The following PACS1 variants were observed in gnomAD, a reference collection of about 807,000 sequenced individuals.
PACS1 encodes the protein PACS-1.
PACS1 carries 24 observed loss-of-function variants against 115.0 expected under a neutral mutation model. That is an observed-to-expected ratio of 0.21 (90% CI 0.15 to 0.29). The LOEUF is 0.29. Ranked by LOEUF, PACS1 falls within the 10% of genes least tolerant of loss-of-function variation. The pLI, the probability that PACS1 is intolerant of heterozygous loss-of-function variation, is 1.00. For synonymous variants in PACS1, 453 were observed against 504.5 expected (o/e 0.90, Z 1.37); for missense variants, 838 against 1,251.2 (o/e 0.67, Z 4.98).
chr11:66,214,574 T>C (rs1855153989), intron 4 of PACS1, among the ~76,000 whole-genome samples: 1 of 139,414 alleles, frequency 7.2e-6, no homozygotes, highest in African/African-American at 2.6e-5. Context: ...CCTTCCTTCC[T>C]TCTCTCTCTC....
Position 66,097,996 on chromosome 11 carries a change from G to A in PACS1, c.356+27154G>A, listed in dbSNP as rs146070770. On this transcript the variant is annotated intron_variant, in intron 1 of 23. Transcript: ENST00000320580. ...AGTTTGAGACCACCCTGGCAACATGGTGAAACCTCGTCTCTACTAAGATAC... is the reference window on the plus strand; with the variant it reads ...AGTTTGAGACCACCCTGGCAACATGATGAAACCTCGTCTCTACTAAGATAC... Among the ~76,000 whole-genome samples, 741 of 152,220 alleles carry A rather than the reference G, an allele frequency of 4.9e-3. 9 individuals are homozygous for A. Among genetic ancestry groups the A allele is most frequent in the African/African-American group, 0.015 (612 of 41,538 alleles).
intron 1 of PACS1, among the ~76,000 whole-genome samples, chr11:66,072,519 C>T (rs1857326462): frequency 6.6e-6 from 1 of 152,050 alleles, no homozygotes; most frequent in Admixed American, 6.5e-5. Flanking sequence ...CAGATTTACA[C>T]ATTGTTTTTT....
rs1193029522 is a variant in PACS1 at position 66,070,704 on chromosome 11, C to T, written c.218C>T (p.Ser73Phe). 5 of 1,580,236 alleles carry T rather than the reference C, an allele frequency of 3.2e-6. No individual in the cohort carries two copies. The highest frequency in any genetic ancestry group is 3.4e-5 in the Admixed American group (2 of 58,342). The stretch of plus-strand genomic sequence containing the variant: ...GCCTCCTCCTCGTCCTCGTCTACCT[C>T]CACCTCCATGGCCGTGGCGGTGGCC... ...AAASSSSSST[S>F]TSMAVAVASG... Residue 73 changes from serine to phenylalanine, a missense_variant, in exon 1 of 24, where the codon TCC becomes TTC. Coordinates refer to ENST00000320580, the MANE Select transcript of PACS1 (RefSeq NM_018026.4). This position sits in a 1 kb window ranked among gnomAD's most constrained non-coding sequence, Gnocchi z 5.9.
chr11:66,109,922 A>G (rs899158911), intron 1 of PACS1, among the ~76,000 whole-genome samples: 2 of 152,172 alleles, frequency 1.3e-5, no homozygotes, highest in Admixed American at 6.6e-5. Flanking sequence ...ACAGTTACTG[A>G]TGCAGTATTT....
chr11:66,154,774 T>G (rs1030715558), intron 1 of PACS1, among the ~76,000 whole-genome samples: 21 of 152,300 alleles, frequency 1.4e-4, no homozygotes, highest in African/African-American at 4.8e-4. Flanking sequence ...CATCTGTAGA[T>G]TCAATACATT....
At chr11:66,173,120 A>G (rs1298345025) in intron 1 of PACS1, among the ~76,000 whole-genome samples, 1 of 146,240 alleles carries the variant, frequency 6.8e-6, no homozygotes, top group East Asian at 2.0e-4. Flanking sequence ...TTTTGTAGAG[A>G]CAGGGTCCTG....
At chr11:66,102,235 G>C (rs530712788) in intron 1 of PACS1, among the ~76,000 whole-genome samples, 7 of 152,212 alleles carry the variant, frequency 4.6e-5, no homozygotes, top group African/African-American at 1.7e-4. Flanking sequence ...AGCTAGAAAA[G>C]GGATGCAGAA....
chr11:66,149,962 T>C (rs1197203529), intron 1 of PACS1, among the ~76,000 whole-genome samples: 1 of 152,142 alleles, frequency 6.6e-6, no homozygotes, highest in African/African-American at 2.4e-5. Context: ...TTAGTCAGGC[T>C]GGTCTCGAAC....
intron 1 of PACS1, among the ~76,000 whole-genome samples, chr11:66,111,786 A>G (rs1464402273): frequency 6.6e-6 from 1 of 152,140 alleles, no homozygotes; most frequent in Non-Finnish European, 1.5e-5. Flanking sequence ...AGGTGCTGGG[A>G]TCACAGGCAT....
intron 2 of PACS1, among the ~76,000 whole-genome samples, chr11:66,201,720 T>C (rs1479508389): frequency 6.6e-6 from 1 of 151,272 alleles, no homozygotes; most frequent in African/African-American, 2.4e-5. Flanking sequence ...AGTACAGTGG[T>C]GCAATCTCAG....
intron 14 of PACS1, among the ~76,000 whole-genome samples, chr11:66,232,664 C>G (rs1027850506): frequency 6.6e-6 from 1 of 152,214 alleles, no homozygotes; most frequent in Non-Finnish European, 1.5e-5. Context: ...GCATCCCTGC[C>G]TGCTCCCTCA....
chr11:66,181,575 TAATAA>T (rs1317456528), intron 1 of PACS1, among the ~76,000 whole-genome samples: 1 of 152,212 alleles, frequency 6.6e-6, no homozygotes, highest in African/African-American at 2.4e-5. Context: ...TTTTAGCATC[TAATAA>T]AATAATTATG....
At chr11:66,131,266 AT>A (rs1858696728) in intron 1 of PACS1, among the ~76,000 whole-genome samples, 1 of 152,174 alleles carries the variant, frequency 6.6e-6, no homozygotes, top group Admixed American at 6.5e-5. Context: ...AGTCCTTAGT[AT>A]TTGACTTTAA....
At chr11:66,215,788 T>C (rs1175842157) in intron 4 of PACS1, among the ~76,000 whole-genome samples, 1 of 151,344 alleles carries the variant, frequency 6.6e-6, no homozygotes, top group African/African-American at 2.4e-5. Context: ...TAATCCCAGC[T>C]ACTTGGGAGC....
intron 1 of PACS1, among the ~76,000 whole-genome samples, chr11:66,132,651 T>C (rs1245691040): frequency 6.6e-6 from 1 of 152,212 alleles, no homozygotes; most frequent in Non-Finnish European, 1.5e-5. Flanking sequence ...CCAGCCTTTT[T>C]TTCCCCCTAA....
intron 1 of PACS1, among the ~76,000 whole-genome samples, chr11:66,169,125 T>C (rs1481209068): frequency 1.3e-5 from 2 of 150,642 alleles, no homozygotes; most frequent in Non-Finnish European, 2.9e-5. Flanking sequence ...GTCTTATTCC[T>C]AGTTTTTAAG....
intron 1 of PACS1, among the ~76,000 whole-genome samples, chr11:66,136,137 T>G (rs1035922617): frequency 6.6e-6 from 1 of 152,180 alleles, no homozygotes; most frequent in Non-Finnish European, 1.5e-5. Context: ...GTTATGTGGC[T>G]ATGCTGCTGA....
chr11:66,184,715 T>C (rs1198491990), intron 1 of PACS1, among the ~76,000 whole-genome samples: 1 of 152,248 alleles, frequency 6.6e-6, no homozygotes, highest in Non-Finnish European at 1.5e-5. Context: ...AATTATGCAC[T>C]GTCACGTTTG....
chr11:66,072,424 C>T (rs1488037077), intron 1 of PACS1, among the ~76,000 whole-genome samples: 2 of 152,104 alleles, frequency 1.3e-5, no homozygotes, highest in Non-Finnish European at 2.9e-5. Flanking sequence ...GATTGCCGCT[C>T]GCAGGGTATA....
Sources: allele counts gnomAD v4.1 joint callset (sites outside exome capture counted in the v4.1 genomes callset), GRCh38; gene constraint gnomAD v4.1.1; non-coding constraint Gnocchi (gnomAD v3.1); transcripts MANE v1.5; gene names NCBI Gene and HGNC (gene_info 2026-07-23, HGNC 2026-07-21).